Variants in C13orf42 observed in about 807,000 individuals in gnomAD.
C13orf42 encodes the protein chromosome 13 open reading frame 42.
At chr13:51,113,421 C>T (rs925024389), upstream of C13orf42, among the ~76,000 whole-genome samples, 1 of 152,242 alleles carries the variant, frequency 6.6e-6, no homozygotes, top group African/African-American at 2.4e-5. Flanking sequence ...AATGCTTTCT[C>T]CCTACAAAAT....
At chr13:51,099,618 T>C (rs1358714538) in intron 1 of C13orf42, among the ~76,000 whole-genome samples, 1 of 152,176 alleles carries the variant, frequency 6.6e-6, no homozygotes, top group Non-Finnish European at 1.5e-5. Context: ...GCTTACTTTT[T>C]CCCCAGCTTT....
chr13:51,110,337 T>G (rs912646007), intron 1 of C13orf42, among the ~76,000 whole-genome samples: 1 of 152,200 alleles, frequency 6.6e-6, no homozygotes, highest in Non-Finnish European at 1.5e-5. Context: ...AATTGATAGA[T>G]GTGCAATGCA....
At chr13:51,115,200 C>A (rs988862157), upstream of C13orf42, among the ~76,000 whole-genome samples, 2 of 152,096 alleles carry the variant, frequency 1.3e-5, no homozygotes, top group Non-Finnish European at 2.9e-5. Context: ...ATTCAAGGGG[C>A]CTTTCATCCT....
chr13:51,147,585 C>T (rs1277096075), intron 1 of C13orf42, among the ~76,000 whole-genome samples: 2 of 152,070 alleles, frequency 1.3e-5, no homozygotes, highest in African/African-American at 2.4e-5. Flanking sequence ...AAAAATTAGC[C>T]GGGCATGATG....
chr13:51,114,610 T>G (rs567198448), upstream of C13orf42, among the ~76,000 whole-genome samples: 11 of 147,516 alleles, frequency 7.5e-5, no homozygotes, highest in South Asian at 2.4e-3. Flanking sequence ...CTACTACAGA[T>G]AGATGATAGA....
At chr13:51,085,236 G>A (rs893372203) in intron 3 of C13orf42, 83 bp downstream of exon 3, 1 of 386,038 alleles carries the variant, frequency 2.6e-6, no homozygotes, top group Non-Finnish European at 4.5e-6. Flanking sequence ...TGTAAGATGG[G>A]GCTGGAGGCA....
chr13:51,086,471 TGAGAGTGTGTGTGTGTAA>T (rs1167471055), intron 2 of C13orf42, among the ~76,000 whole-genome samples: 2 of 151,752 alleles, frequency 1.3e-5, no homozygotes, highest in African/African-American at 4.9e-5. Context: ...TGTGTGTATG[TGAGAGTGTGTGTGTGTAA>T]GAGAGTGTGT....
chr13:51,136,385 T>C (rs1456856936), intron 1 of C13orf42, among the ~76,000 whole-genome samples: 3 of 152,192 alleles, frequency 2.0e-5, no homozygotes. Context: ...CCAGTGACTC[T>C]GACTCGTCTT....
At chr13:51,143,393 C>G (rs1953711148) in intron 1 of C13orf42, among the ~76,000 whole-genome samples, 1 of 152,092 alleles carries the variant, frequency 6.6e-6, no homozygotes, top group Admixed American at 6.6e-5. Context: ...TGATGCAAAA[C>G]CAGTATATGG....
chr13:51,141,229 GT>G (rs1256203840), intron 1 of C13orf42, among the ~76,000 whole-genome samples: 2 of 145,600 alleles, frequency 1.4e-5, no homozygotes, highest in East Asian at 2.0e-4. Context: ...TGAGCCAAAG[GT>G]TTTTTTTTGT....
intron 1 of C13orf42, among the ~76,000 whole-genome samples, chr13:51,130,353 C>G (rs1953607152): frequency 6.6e-6 from 1 of 151,916 alleles, no homozygotes; most frequent in Admixed American, 6.6e-5. Context: ...TTAGCGTGCC[C>G]CCTATCTATG....
chr13:51,087,787 A>G, intron 2 of C13orf42, 141 bp downstream of exon 2: 1 of 394,604 alleles, frequency 2.5e-6, no homozygotes, highest in Non-Finnish European at 4.5e-6. Flanking sequence ...TTGGAGGTGC[A>G]GGGTTTCCCT....
chr13:51,167,012 G>A (rs973390528), intron 1 of C13orf42, among the ~76,000 whole-genome samples: 1 of 151,984 alleles, frequency 6.6e-6, no homozygotes, highest in African/African-American at 2.4e-5. Flanking sequence ...CTGGGAGACA[G>A]AGGTTGCAGT....
intron 1 of C13orf42, among the ~76,000 whole-genome samples, chr13:51,108,648 C>T (rs1263682663): frequency 2.0e-5 from 3 of 152,228 alleles, no homozygotes; most frequent in African/African-American, 7.2e-5. Context: ...CAATTACGTG[C>T]AGGAGCCTAC....
chr13:51,143,879 C>T (rs537917024), intron 1 of C13orf42, among the ~76,000 whole-genome samples: 7 of 152,040 alleles, frequency 4.6e-5, no homozygotes, highest in Non-Finnish European at 7.4e-5. Flanking sequence ...TTTCTTTGGG[C>T]TGTATTTGTA....
At chr13:51,170,951 C>A (rs1953945025) in intron 1 of C13orf42, among the ~76,000 whole-genome samples, 1 of 151,220 alleles carries the variant, frequency 6.6e-6, no homozygotes, top group African/African-American at 2.5e-5. Context: ...ATTTCCACAC[C>A]CCAACCTCTT....
upstream of C13orf42, chr13:51,113,313 T>C (rs905067823): frequency 6.6e-6 from 1 of 152,134 alleles, no homozygotes; most frequent in African/African-American, 2.4e-5. Context: ...GCAGCAGCCA[T>C]GACCCAGCAG....
chr13:51,097,364 G>A (rs1953245752), intron 1 of C13orf42, among the ~76,000 whole-genome samples: 1 of 152,192 alleles, frequency 6.6e-6, no homozygotes, highest in Non-Finnish European at 1.5e-5. Flanking sequence ...TAGTTAAGTA[G>A]GGTTTGGTTA....
chr13:51,103,504 C>A (rs1369614485), intron 1 of C13orf42, among the ~76,000 whole-genome samples: 2 of 152,066 alleles, frequency 1.3e-5, no homozygotes, highest in African/African-American at 4.8e-5. Flanking sequence ...AGTTTGAGAC[C>A]AGCCTGGCCA....
Sources: gnomAD v4.1 joint callset for allele counts (sites outside exome capture counted in the v4.1 genomes callset) on GRCh38, gnomAD v4.1.1 for gene constraint, MANE v1.5 for transcripts, NCBI Gene and HGNC (gene_info 2026-07-23, HGNC 2026-07-21) for gene names.